Variants in MAPT observed in about 807,000 individuals in gnomAD.
MAPT encodes microtubule associated protein tau, also known as microtubule-associated protein tau.
A neutral mutation model predicts 67.9 loss-of-function variants in MAPT; 34 were observed. The ratio of observed to expected loss-of-function variants is 0.50; its 90% confidence interval spans 0.38 to 0.67. The LOEUF (loss-of-function observed/expected upper bound fraction) is 0.67, where lower values mean the gene tolerates loss of function less well. Among genes scored for constraint, MAPT ranks in the 30% least tolerant of loss-of-function variants. The pLI, the probability that MAPT is intolerant of heterozygous loss-of-function variation, is 0.00. For synonymous variants in MAPT, 456 were observed against 464.5 expected, an observed-to-expected ratio of 0.98 and a Z score of 0.23; for missense variants, 881 against 1,115.2, an observed-to-expected ratio of 0.79 and a Z score of 2.99.
Position 45,972,340 on chromosome 17 carries a change from A to G in MAPT, c.220+395A>G, listed in dbSNP as rs952893903. Among the ~76,000 whole-genome samples, 4 of 152,098 alleles carry G rather than the reference A, an allele frequency of 2.6e-5. No individual in the cohort carries two copies. In the East Asian group the frequency reaches 7.7e-4, roughly 29 times the overall value. ...AGTGGACATCTGATCTTGGTTTAGT[A>G]TCCTTCATTTTGGGGGCTCTGGGTG... On this transcript the variant is annotated intron_variant, in intron 3 of 12. Coordinates refer to ENST00000262410, the MANE Select transcript of MAPT (RefSeq NM_001377265.1).
Position 45,971,818 on chromosome 17 carries a change from G to A in MAPT, c.134-41G>A, listed in dbSNP as rs2071706895. ...TCCTGAGAACAAAAGGGGGCGCTGG[G>A]GAGAGGCCACCGTTCTGAGGGCTCA... is the stretch of plus-strand genomic sequence containing the variant. On this transcript the variant is annotated intron_variant, in intron 2 of 12. Transcript: ENST00000262410. This position sits in a 1 kb window ranked among gnomAD's most constrained non-coding sequence, Gnocchi z 4.3. 7.1e-7 allele frequency: 1 copy of A among 1,412,392 alleles called. No individual in the cohort carries two copies. The highest frequency in any genetic ancestry group is 1.4e-5 in the African/African-American group (1 of 70,918). 87.5% of individuals were successfully genotyped at this position (1,412,392 alleles called of 1,614,324 possible). A position where few individuals can be genotyped will look rare whatever the true frequency, so the allele number is the denominator to read the frequency against.
intron 9 of MAPT, among the ~76,000 whole-genome samples, chr17:45,998,387 C>G (rs908722668): frequency 6.6e-6 from 1 of 152,192 alleles, no homozygotes; most frequent in Non-Finnish European, 1.5e-5. Flanking sequence ...AGAGTCCCTG[C>G]GTGCCAGGCG....
chr17:46,016,402 A>G (rs1434425827), intron 11 of MAPT, among the ~76,000 whole-genome samples: 1 of 151,560 alleles, frequency 6.6e-6, no homozygotes. Flanking sequence ...AAAAAAAAAA[A>G]AAAGAAAGAA....
At chr17:45,925,823 G>C (rs535295054) in intron 1 of MAPT, among the ~76,000 whole-genome samples, 1 of 152,194 alleles carries the variant, frequency 6.6e-6, no homozygotes, top group African/African-American at 2.4e-5. Flanking sequence ...TGATCAGTAA[G>C]TACTTCTGTC....
At chr17:45,966,128 C>T (rs1298640500) in intron 2 of MAPT, among the ~76,000 whole-genome samples, 1 of 152,174 alleles carries the variant, frequency 6.6e-6, no homozygotes, top group African/African-American at 2.4e-5. Context: ...GGCAGGGCAG[C>T]CTGGCTTAGA....
rs1431729139 is a variant in MAPT at position 45,915,584 on chromosome 17, C to T, written c.-18+20898C>T. Among the ~76,000 whole-genome samples, 1 of 144,390 alleles carries T rather than the reference C, an allele frequency of 6.9e-6. No homozygotes were observed. The highest frequency in any genetic ancestry group is 7.1e-5 in the Admixed American group (1 of 14,154). 94.7% of individuals were successfully genotyped at this position (144,390 alleles called of 152,430 possible). On this transcript the variant is annotated intron_variant, in intron 1 of 12. Transcript: ENST00000262410. The surrounding 1 kb of genome is among the most constrained non-coding windows in gnomAD (Gnocchi z 4.4). Reference sequence around the variant, plus strand: ...GTGGTGCATGTGTGTGGCGTGTGAGCGTGTGTGTGCATTGTGTCTGTGAGC... The same window carrying T: ...GTGGTGCATGTGTGTGGCGTGTGAGTGTGTGTGTGCATTGTGTCTGTGAGC...
At chr17:45,913,679 A>G (rs921956176) in intron 1 of MAPT, among the ~76,000 whole-genome samples, 7 of 152,198 alleles carry the variant, frequency 4.6e-5, no homozygotes. Flanking sequence ...AGGGAAGTAG[A>G]TACACACTGT....
chr17:45,895,776 G>A (rs1263717087), intron 1 of MAPT: 2 of 151,840 alleles, frequency 1.3e-5, no homozygotes, highest in African/African-American at 2.4e-5. Context: ...TTTCCCCCTC[G>A]GAACGCGAGG....
intron 4 of MAPT, among the ~76,000 whole-genome samples, chr17:45,982,076 G>T (rs1318747696): frequency 6.6e-6 from 1 of 150,882 alleles, no homozygotes; most frequent in Non-Finnish European, 1.5e-5. Context: ...TGTAATCCCA[G>T]CACTTTGGGG....
At chr17:45,960,877 A>G (rs919314380) in intron 1 of MAPT, among the ~76,000 whole-genome samples, 2 of 151,972 alleles carry the variant, frequency 1.3e-5, no homozygotes, top group African/African-American at 4.8e-5. Context: ...TCCTATAGCC[A>G]TGAGCTACGA....
intron 9 of MAPT, among the ~76,000 whole-genome samples, chr17:46,001,948 T>A (rs1568313837): frequency 6.6e-6 from 1 of 152,134 alleles, no homozygotes; most frequent in Non-Finnish European, 1.5e-5. Context: ...ACCTGTTCAG[T>A]GGCCTTTGAA....
intron 1 of MAPT, among the ~76,000 whole-genome samples, chr17:45,935,543 T>C (rs2144777573): frequency 6.6e-6 from 1 of 152,302 alleles, no homozygotes; most frequent in Middle Eastern, 3.4e-3. Context: ...AAACTCAGGA[T>C]GCATGTGCTT....
At chr17:46,009,089 C>A (rs1171769307) in intron 9 of MAPT, among the ~76,000 whole-genome samples, 2 of 152,088 alleles carry the variant, frequency 1.3e-5, no homozygotes, top group African/African-American at 4.8e-5. Context: ...GTCCCAGCTA[C>A]TTGGGAGGCT....
chr17:46,028,003 C>A lies in MAPT; in HGVS notation c.*3832C>A, dbSNP rs1393868225. 1.3e-5 allele frequency: 2 copies of A among 155,060 alleles called. No individual in the cohort carries two copies. The highest frequency in any genetic ancestry group is 6.5e-5 in the Admixed American group (1 of 15,320). The allele number at this position is 155,060 out of a possible 1,614,324, so 9.6% of individuals were successfully genotyped here. A position where few individuals can be genotyped will look rare whatever the true frequency, so the allele number is the denominator to read the frequency against. On this transcript the variant is annotated 3_prime_UTR_variant, in exon 13 of 13. Coordinates refer to ENST00000262410, the MANE Select transcript of MAPT (RefSeq NM_001377265.1). ...GTCGGGGCGAGGGCAGAGGTGATCA[C>A]CTGCGTGTCCCATCTACAGACCTGC... is the stretch of plus-strand genomic sequence containing the variant.
chr17:45,968,433 T>TAA (rs754916499), intron 2 of MAPT, among the ~76,000 whole-genome samples: 5 of 152,280 alleles, frequency 3.3e-5, no homozygotes, highest in Non-Finnish European at 5.9e-5. Flanking sequence ...TGTGGCCTTT[T>TAA]AACTGGGCAC....
At position 46,027,660 on chromosome 17, in the gene MAPT, G is replaced by T. The variant is rs527917345; in HGVS notation, c.*3489G>T. The T allele has an allele frequency of 1.9e-4, 29 of 152,314 alleles. No homozygotes were observed. The highest frequency in any genetic ancestry group is 6.5e-4 in the African/African-American group (27 of 41,540). The allele number at this position is 152,314 out of a possible 1,614,324, so 9.4% of individuals were successfully genotyped here. Reference sequence around the variant, plus strand: ...TTCAACCACATTTGCTAGAGGGAGGGAGCAGCCACGGAGTTAGAGGCCCTT... The same window carrying T: ...TTCAACCACATTTGCTAGAGGGAGGTAGCAGCCACGGAGTTAGAGGCCCTT... On this transcript the variant is annotated 3_prime_UTR_variant, in exon 13 of 13. Coordinates refer to ENST00000262410, the MANE Select transcript of MAPT (RefSeq NM_001377265.1).
chr17:46,020,940 CA>C (rs943360861), intron 12 of MAPT, among the ~76,000 whole-genome samples: 22 of 152,092 alleles, frequency 1.4e-4, no homozygotes, highest in African/African-American at 5.3e-4. Context: ...CATGGTGGCC[CA>C]GTTGGGTGGA....
chr17:45,987,827 T>C (rs937729350), intron 6 of MAPT, among the ~76,000 whole-genome samples: 3 of 152,142 alleles, frequency 2.0e-5, no homozygotes, highest in Non-Finnish European at 4.4e-5. Context: ...CTGTGGGGAT[T>C]TGGAGAGCTG....
At chr17:46,011,653 A>T (rs1375646896) in intron 10 of MAPT, among the ~76,000 whole-genome samples, 1 of 152,128 alleles carries the variant, frequency 6.6e-6, no homozygotes, top group African/African-American at 2.4e-5. Context: ...AGCTGGACGT[A>T]TGAGACCCTT....
Sources: gnomAD v4.1 joint callset for allele counts (sites outside exome capture counted in the v4.1 genomes callset) on GRCh38, gnomAD v4.1.1 for gene constraint, Gnocchi (gnomAD v3.1) non-coding constraint, MANE v1.5 for transcripts, NCBI Gene and HGNC (gene_info 2026-07-23, HGNC 2026-07-21) for gene names.